Variants in ANKRD52 observed in about 807,000 individuals in gnomAD.
ANKRD52 encodes the protein ankyrin repeat domain 52.
In ANKRD52, 7 loss-of-function variants were observed where a neutral mutation model predicts 116.0. The observed-to-expected ratio is 0.06, with a 90% CI of 0.03 to 0.11. The LOEUF (loss-of-function observed/expected upper bound fraction) is 0.11. ANKRD52 is among the 10% of genes least tolerant of loss of function. The pLI, the probability that ANKRD52 is intolerant of heterozygous loss-of-function variation, is 1.00. For synonymous variants in ANKRD52, 528 were observed against 578.1 expected (o/e 0.91, Z 1.24); for missense variants, 839 against 1,408.6 (o/e 0.60, Z 6.47).
intron 4 of ANKRD52, 146 bp downstream of exon 4, chr12:56,256,868 GT>G (rs759876573): frequency 1.2e-6 from 1 of 817,082 alleles, no homozygotes; most frequent in Non-Finnish European, 1.9e-6. Flanking sequence ...AGTTCTAGGG[GT>G]AGGAGGAAGG....
In ANKRD52 at chr12:56,241,698, G is replaced by T; in HGVS notation, c.*1444C>A. The T allele has an allele frequency of 3.2e-6, 1 of 313,932 alleles. No homozygotes were observed. The highest frequency in any genetic ancestry group is 5.8e-6 in the Non-Finnish European group (1 of 172,562). The allele number at this position is 313,932 out of a possible 1,614,324, so 19.4% of individuals were successfully genotyped here. ...TGGCTGAGGTATTGAGTGTGAGGAA[G>T]GGAACACTGGGCTGCAGGAGTGGGT... On this transcript the variant is annotated 3_prime_UTR_variant, in exon 28 of 28. Coordinates refer to ENST00000267116, the MANE Select transcript of ANKRD52 (RefSeq NM_173595.4).
chr12:56,250,368 GT>G (rs1237579487), intron 15 of ANKRD52, among the ~76,000 whole-genome samples: 264 of 139,858 alleles, frequency 1.9e-3, no homozygotes, highest in Middle Eastern at 7.5e-3. Flanking sequence ...ATTTTTGTGG[GT>G]TTTTTTTTTT....
rs773216935 is a variant in ANKRD52, at chr12:56,248,585, T to C, written c.1705-19A>G. On this transcript the variant is annotated intron_variant, in intron 16 of 27. Coordinates refer to ENST00000267116, the MANE Select transcript of ANKRD52 (RefSeq NM_173595.4). This position sits in a 1 kb window ranked among gnomAD's most constrained non-coding sequence, Gnocchi z 5.1. ...CTAAGAGCTGCAAAGGACAGGAAAG[T>C]AGGTGCTGAGACTCTGGAACTCCCA... 11 of 1,576,540 alleles carry C rather than the reference T, an allele frequency of 7.0e-6. No homozygotes were observed. The highest frequency in any genetic ancestry group is 2.7e-5 in the African/African-American group (2 of 74,008).
rs752211991 is a variant in ANKRD52 at position 56,253,127 on chromosome 12, G to A, written c.1101-41C>T. Reference sequence around the variant, plus strand: ...GGGACTCAGTCCTTGGGTCAAGGAGGGACCAAGTAAGACCTCTTCTGTGAC... The same window carrying A: ...GGGACTCAGTCCTTGGGTCAAGGAGAGACCAAGTAAGACCTCTTCTGTGAC... On this transcript the variant is annotated intron_variant, in intron 10 of 27. Coordinates refer to ENST00000267116, the MANE Select transcript of ANKRD52 (RefSeq NM_173595.4). This position sits in a 1 kb window ranked among gnomAD's most constrained non-coding sequence, Gnocchi z 5.5. The A allele has an allele frequency of 4.0e-6, 6 of 1,513,672 alleles. No homozygotes were observed. The highest frequency in any genetic ancestry group is 5.3e-6 in the Non-Finnish European group (6 of 1,121,604). 93.8% of individuals were successfully genotyped at this position (1,513,672 alleles called of 1,614,324 possible). A position where few individuals can be genotyped will look rare whatever the true frequency, so the allele number is the denominator to read the frequency against.
intron 4 of ANKRD52, among the ~76,000 whole-genome samples, chr12:56,256,457 A>G (rs1871958076): frequency 6.6e-6 from 1 of 152,300 alleles, no homozygotes; most frequent in South Asian, 2.1e-4. Context: ...CCCGAGCTAA[A>G]ATGCCCCTCC....
At position 56,257,926 on chromosome 12, in the gene ANKRD52, G is replaced by C. The variant is rs200163647; in HGVS notation, c.28-15C>G. 1.3e-3 allele frequency: 2,017 copies of C among 1,612,424 alleles called. 1 individual carries two copies. Among genetic ancestry groups the C allele is most frequent in the Non-Finnish European group, 1.5e-3 (1,818 of 1,179,238 alleles). ...ACCAGGGGCGGCTGCAGAGAGAACC[G>C]GCATTCTGAGAGCGGGCTGGAGCCG... On this transcript the variant is annotated splice_polypyrimidine_tract_variant and intron_variant, in intron 1 of 27. Coordinates refer to ENST00000267116, the MANE Select transcript of ANKRD52 (RefSeq NM_173595.4).
chr12:56,247,942 A>T, intron 18 of ANKRD52, 81 bp downstream of exon 18: 1 of 1,437,390 alleles, frequency 7.0e-7, no homozygotes, highest in Non-Finnish European at 9.4e-7. Context: ...TCCTCACCCT[A>T]CTCCACTTTC....
intron 15 of ANKRD52, 57 bp downstream of exon 15, chr12:56,251,958 G>A: frequency 6.4e-7 from 1 of 1,567,492 alleles, no homozygotes; most frequent in Non-Finnish European, 8.7e-7. Flanking sequence ...GGACAGTAGG[G>A]CCAGAGCTTG....
rs533777313 is a variant in ANKRD52, at chr12:56,258,227, G to C, written c.27+16C>G. 2.1e-5 allele frequency: 34 copies of C among 1,599,558 alleles called. 1 individual carries two copies. The South Asian group carries it at 3.4e-4, about 16-fold the overall frequency. ...AGCCCTGGAAGGAGGAAGCGGGAAAGGGCAGGAGGGCTGACCTGGTCCGTG... is the reference window on the plus strand; with the variant it reads ...AGCCCTGGAAGGAGGAAGCGGGAAACGGCAGGAGGGCTGACCTGGTCCGTG... On this transcript the variant is annotated intron_variant, in intron 1 of 27. Transcript: ENST00000267116.
intron 18 of ANKRD52, 32 bp downstream of exon 18, chr12:56,247,991 G>C: frequency 1.3e-6 from 2 of 1,558,478 alleles, no homozygotes; most frequent in Middle Eastern, 1.7e-4. Flanking sequence ...GGCATGGCAA[G>C]GGTAGGGCAG....
rs1001344263 is a variant in ANKRD52 at position 56,241,913 on chromosome 12, G to A, written c.*1229C>T. The stretch of plus-strand genomic sequence containing the variant: ...CTCAATCCCATCTTTCCTCCCTGCT[G>A]GGAAGGCAGGGACCAAGCCCCAGTA... On this transcript the variant is annotated 3_prime_UTR_variant, in exon 28 of 28. Transcript: ENST00000267116. The A allele has an allele frequency of 2.5e-6, 1 of 398,264 alleles. No homozygotes were observed. Among genetic ancestry groups the A allele is most frequent in the African/African-American group, 2.1e-5 (1 of 48,600 alleles). 24.7% of individuals were successfully genotyped at this position (398,264 alleles called of 1,614,324 possible). A position where few individuals can be genotyped will look rare whatever the true frequency, so the allele number is the denominator to read the frequency against.
At position 56,244,485 on chromosome 12, in the gene ANKRD52, G is replaced by A. The variant is rs943272229; in HGVS notation, c.2723-50C>T. On this transcript the variant is annotated intron_variant, in intron 24 of 27. Coordinates refer to ENST00000267116, the MANE Select transcript of ANKRD52 (RefSeq NM_173595.4). This position sits in a 1 kb window ranked among gnomAD's most constrained non-coding sequence, Gnocchi z 4.9. ...ACTGACCCCTCCCTCCAGAGCAGTA[G>A]CCATCCTGGCTCTCCACTTTGCATC... 15 of 1,602,848 alleles carry A rather than the reference G, an allele frequency of 9.4e-6. No individual in the cohort carries two copies. Among genetic ancestry groups the A allele is most frequent in the Admixed American group, 3.4e-5 (2 of 59,412 alleles).
chr12:56,243,938 T>A lies in ANKRD52; in HGVS notation c.2889-62A>T, dbSNP rs965801543. 1.9e-6 allele frequency: 3 copies of A among 1,597,848 alleles called. No homozygotes were observed. Among genetic ancestry groups the A allele is most frequent in the Middle Eastern group, 1.8e-4 (1 of 5,448 alleles). On this transcript the variant is annotated intron_variant, in intron 26 of 27. Transcript: ENST00000267116. The surrounding 1 kb of genome is among the most constrained non-coding windows in gnomAD (Gnocchi z 4.6). ...GCTGCCCTTCCACCTCCAGACAGGGTGGCAAGGGTGCTGAACAAATACAAT... is the reference window on the plus strand; with the variant it reads ...GCTGCCCTTCCACCTCCAGACAGGGAGGCAAGGGTGCTGAACAAATACAAT...
At chr12:56,245,246 G>T (rs556683441) in intron 21 of ANKRD52, 56 bp from the exon 22 acceptor site, 1 of 1,606,152 alleles carries the variant, frequency 6.2e-7, no homozygotes, top group South Asian at 1.1e-5. Flanking sequence ...TTCCCTGTCT[G>T]TCCTGTGTCT....
intron 4 of ANKRD52, 71 bp from the exon 5 acceptor site, chr12:56,256,055 T>C: frequency 4.2e-6 from 6 of 1,420,470 alleles, no homozygotes; most frequent in Non-Finnish European, 5.8e-6. Flanking sequence ...GAAGGAGGAA[T>C]AGGTCAGCAT....
At chr12:56,245,730 T>A in intron 20 of ANKRD52, 134 bp from the exon 21 acceptor site, 1 of 788,584 alleles carries the variant, frequency 1.3e-6, no homozygotes, top group Admixed American at 3.3e-5. Context: ...TTTTTTTTTT[T>A]TGGAGTCGGA....
At chr12:56,250,735 A>T (rs888816460) in intron 15 of ANKRD52, among the ~76,000 whole-genome samples, 4 of 125,866 alleles carry the variant, frequency 3.2e-5, no homozygotes, top group East Asian at 4.4e-4. Context: ...TAAATTAATT[A>T]AAAAAAAAAA....
Position 56,254,211 on chromosome 12 carries a change from C to T in ANKRD52, c.762G>A (p.Val254=). Residue 254 remains valine, a synonymous_variant, in exon 8 of 28, where the codon GTG becomes GTA. Coordinates refer to ENST00000267116, the MANE Select transcript of ANKRD52 (RefSeq NM_173595.4). The surrounding 1 kb of genome is among the most constrained non-coding windows in gnomAD (Gnocchi z 4.6). ...HIACYLGQDA[V]AIELVNAGAN... ...CTCCGGCATTCACCAGCTCAATAGC[C>T]ACAGCATCCTGGCCCAGGTAGCAGG... 1 of 1,613,954 alleles carries T rather than the reference C, an allele frequency of 6.2e-7. No individual in the cohort carries two copies. Among genetic ancestry groups the T allele is most frequent in the Non-Finnish European group, 8.5e-7 (1 of 1,179,896 alleles).
Position 56,244,688 on chromosome 12 carries a change from T to C in ANKRD52, c.2686A>G (p.Met896Val), listed in dbSNP as rs769425475. The C allele has an allele frequency of 6.2e-7, 1 of 1,613,950 alleles. No homozygotes were observed. The highest frequency in any genetic ancestry group is 2.2e-5 in the East Asian group (1 of 44,888). The change falls in exon 24 of 28, where the codon ATG (methionine) becomes GTG (valine). Residue 896 changes from methionine to valine, a missense_variant. Coordinates refer to ENST00000267116, the MANE Select transcript of ANKRD52 (RefSeq NM_173595.4). This position sits in a 1 kb window ranked among gnomAD's most constrained non-coding sequence, Gnocchi z 4.9. ...GTCTGCCCGTTCTCAGCCGCCGTCATGAGCGCAGTGCGGCCAGTGTGGTCA... is the reference window on the plus strand; with the variant it reads ...GTCTGCCCGTTCTCAGCCGCCGTCACGAGCGCAGTGCGGCCAGTGTGGTCA... ...ATDHTGRTAL[M>V]TAAENGQTAA...
Sources: allele counts gnomAD v4.1 joint callset (sites outside exome capture counted in the v4.1 genomes callset), GRCh38; gene constraint gnomAD v4.1.1; non-coding constraint Gnocchi (gnomAD v3.1); transcripts MANE v1.5; gene names NCBI Gene and HGNC (gene_info 2026-07-23, HGNC 2026-07-21).